The following MEF2B variants were observed in gnomAD, a reference collection of about 807,000 sequenced individuals.
MEF2B encodes the protein myocyte-specific enhancer factor 2B.
A neutral mutation model predicts 32.2 loss-of-function variants in MEF2B; 15 were observed. The ratio of observed to expected loss-of-function variants is 0.47; its 90% CI spans 0.31 to 0.72. MEF2B has a LOEUF of 0.72. MEF2B is among the 30% of genes least tolerant of loss of function. The probability of loss-of-function intolerance (pLI) is 0.05; values close to 1 mark genes in which losing one functional copy is unlikely to be tolerated. For synonymous variants in MEF2B, 205 were observed against 225.6 expected, an observed-to-expected ratio of 0.91 and a Z score of 0.82; for missense variants, 441 against 511.5, an observed-to-expected ratio of 0.86 and a Z score of 1.33.
At chr19:19,162,430 C>T (rs527917831) in intron 1 of MEF2B, among the ~76,000 whole-genome samples, 16 of 152,288 alleles carry the variant, frequency 1.1e-4, no homozygotes, top group South Asian at 1.0e-3. Context: ...ACCACACAGG[C>T]CTGGCTGCCT....
chr19:19,150,562 C>A, intron 2 of MEF2B, 120 bp downstream of exon 2: 4 of 1,082,198 alleles, frequency 3.7e-6, no homozygotes, highest in Non-Finnish European at 5.3e-6. Context: ...GACATGGCAT[C>A]AGGACTCCTC....
At chr19:19,163,966 G>C (rs73535576) in intron 1 of MEF2B, among the ~76,000 whole-genome samples, 1,598 of 152,112 alleles carry the variant, frequency 0.011, 25 homozygotes, top group African/African-American at 0.036. Context: ...ACCACACCCA[G>C]CCCTACTTGT....
chr19:19,147,868 C>T (rs1308321219), intron 3 of MEF2B, 36 bp from the exon 4 acceptor site: 17 of 1,590,846 alleles, frequency 1.1e-5, no homozygotes, highest in Non-Finnish European at 1.5e-5. Context: ...AGACCCTTAC[C>T]CCTACCCCAC....
chr19:19,146,706 C>A (rs202186599), intron 6 of MEF2B, 36 bp downstream of exon 6: 2 of 1,613,750 alleles, frequency 1.2e-6, no homozygotes, highest in African/African-American at 1.3e-5. Context: ...GCCCTGCCTG[C>A]CCTCATCAGC....
At chr19:19,150,124 G>T (rs1284488323) in intron 2 of MEF2B, among the ~76,000 whole-genome samples, 21 of 136,566 alleles carry the variant, frequency 1.5e-4, no homozygotes, top group African/African-American at 5.4e-4. Context: ...TGGAAGGAGG[G>T]ATGGAAGGAA....
Position 19,167,350 on chromosome 19 carries a change from C to CAA in MEF2B, c.-30+2853_-30+2854dup, listed in dbSNP as rs34446494. Among the ~76,000 whole-genome samples the CAA allele has an allele frequency of 2.2e-3, 220 of 98,516 alleles. 1 individual carries two copies. Among genetic ancestry groups the CAA allele is most frequent in the African/African-American group, 6.2e-3 (152 of 24,440 alleles). 64.6% of individuals were successfully genotyped at this position (98,516 alleles called of 152,430 possible). A position where few individuals can be genotyped will look rare whatever the true frequency, so the allele number is the denominator to read the frequency against. Reference sequence around the variant, plus strand: ...TGGGCAACAGAGTGAGACTCTGTCTCAAAAAAAAAAAAAAAAAAAAAATTA... The same window carrying CAA: ...TGGGCAACAGAGTGAGACTCTGTCTCAAAAAAAAAAAAAAAAAAAAAAAATTA... On this transcript the variant is annotated intron_variant, in intron 1 of 8. Coordinates refer to ENST00000424583, the MANE Select transcript of MEF2B (RefSeq NM_001145785.2).
chr19:19,151,748 A>C (rs1465506733), intron 1 of MEF2B, among the ~76,000 whole-genome samples: 1 of 152,086 alleles, frequency 6.6e-6, no homozygotes, highest in Admixed American at 6.6e-5. Context: ...CCCTTTCCCC[A>C]GGCCTCAGTT....
chr19:19,150,575 G>T (rs910127447), intron 2 of MEF2B, 107 bp downstream of exon 2: 52 of 1,375,186 alleles, frequency 3.8e-5, no homozygotes, highest in Admixed American at 5.9e-5. Context: ...GACTCCTCAT[G>T]CCTCCTCATT....
At chr19:19,155,299 T>G (rs1159430060) in intron 1 of MEF2B, among the ~76,000 whole-genome samples, 1 of 152,092 alleles carries the variant, frequency 6.6e-6, no homozygotes, top group East Asian at 1.9e-4. Context: ...CCAAGCCAAC[T>G]CCTATCCAAA....
chr19:19,145,890 G>A lies in MEF2B; in HGVS notation c.1014C>T (p.Pro338=), dbSNP rs2060021038. ...GGPGDFPKTF[P]YPLLLARSLA... ...GGGACCGGGCGAGGAGCAAGGGATA[G>A]GGGAAGGTCTTAGGAAAGTCGCCGG... The change falls in exon 9 of 9, where the codon CCC becomes CCT. Residue 338 remains proline (P), a synonymous_variant. Transcript: ENST00000424583. The surrounding 1 kb of genome is among the most constrained non-coding windows in gnomAD (Gnocchi z 4.6). 2.7e-6 allele frequency: 4 copies of A among 1,464,660 alleles called. No individual in the cohort carries two copies. The highest frequency in any genetic ancestry group is 3.6e-6 in the Non-Finnish European group (4 of 1,106,508). The allele number at this position is 1,464,660 out of a possible 1,614,324, so 90.7% of individuals were successfully genotyped here.
At chr19:19,158,140 T>C (rs2060132376) in intron 1 of MEF2B, among the ~76,000 whole-genome samples, 1 of 150,912 alleles carries the variant, frequency 6.6e-6, no homozygotes, top group African/African-American at 2.4e-5. Flanking sequence ...CAGACTGGAG[T>C]GCAGTGGCAT....
At chr19:19,148,623 C>G (rs944571856) in intron 3 of MEF2B, among the ~76,000 whole-genome samples, 1 of 152,126 alleles carries the variant, frequency 6.6e-6, no homozygotes, top group Non-Finnish European at 1.5e-5. Context: ...AGTCCCAGCC[C>G]GCTGCTCTCT....
intron 1 of MEF2B, among the ~76,000 whole-genome samples, chr19:19,163,002 C>T (rs1180871837): frequency 2.0e-5 from 3 of 152,178 alleles, no homozygotes; most frequent in Non-Finnish European, 4.4e-5. Flanking sequence ...ACACCAGCCC[C>T]AAACTGATTC....
chr19:19,166,462 G>A (rs1377678756), intron 1 of MEF2B, among the ~76,000 whole-genome samples: 3 of 152,052 alleles, frequency 2.0e-5, no homozygotes, highest in Admixed American at 6.6e-5. Flanking sequence ...TTTCTAAGTC[G>A]TCTCAGAAAA....
intron 1 of MEF2B, among the ~76,000 whole-genome samples, chr19:19,161,954 T>C (rs1235527908): frequency 1.3e-5 from 2 of 151,638 alleles, no homozygotes; most frequent in South Asian, 2.1e-4. Flanking sequence ...ATTACAGCCA[T>C]GCGCTACCAC....
rs1051958286 is a variant in MEF2B at position 19,146,359 on chromosome 19, C to A, written c.795G>T (p.Pro265=). The change falls in exon 8 of 9, where the codon CCG becomes CCT. Residue 265 remains proline, a synonymous_variant. Coordinates refer to ENST00000424583, the MANE Select transcript of MEF2B (RefSeq NM_001145785.2). ...PPEYGLGDPP[P]PPGLLQPPTL... Reference sequence around the variant, plus strand: ...TGGGGGGCTGCAACAAGCCAGGGGGCGGTGGAGGGTCTCCCAGGCCATATT... The same window carrying A: ...TGGGGGGCTGCAACAAGCCAGGGGGAGGTGGAGGGTCTCCCAGGCCATATT... The A allele has an allele frequency of 9.8e-7, 1 of 1,017,230 alleles. No homozygotes were observed. The highest frequency in any genetic ancestry group is 2.1e-5 in the South Asian group (1 of 48,398). The allele number at this position is 1,017,230 out of a possible 1,614,324, so 63.0% of individuals were successfully genotyped here.
intron 1 of MEF2B, among the ~76,000 whole-genome samples, chr19:19,155,676 C>T (rs753481306): frequency 5.9e-5 from 9 of 152,198 alleles, no homozygotes; most frequent in Admixed American, 4.6e-4. Context: ...GCAAAGAATG[C>T]GGAGGCGGCA....
At chr19:19,157,590 G>A (rs528350818) in intron 1 of MEF2B, among the ~76,000 whole-genome samples, 1 of 152,372 alleles carries the variant, frequency 6.6e-6, no homozygotes, top group South Asian at 2.1e-4. Context: ...GCTCAAGCCT[G>A]TAATCCCAGC....
chr19:19,145,742 A>C lies in MEF2B; in HGVS notation c.*55T>G. On this transcript the variant is annotated 3_prime_UTR_variant, in exon 9 of 9. Coordinates refer to ENST00000424583, the MANE Select transcript of MEF2B (RefSeq NM_001145785.2). This position sits in a 1 kb window ranked among gnomAD's most constrained non-coding sequence, Gnocchi z 4.6. ...AGGCCTGGAGGGAGGTGGGGTCCCC[A>C]CGTGCCCTCGCCGTACCTGGCGAGC... is the stretch of plus-strand genomic sequence containing the variant. 6.4e-7 allele frequency: 1 copy of C among 1,558,340 alleles called. No homozygotes were observed. The highest frequency in any genetic ancestry group is 1.2e-5 in the South Asian group (1 of 84,608).
Sources: gnomAD v4.1 joint callset for allele counts (sites outside exome capture counted in the v4.1 genomes callset) on GRCh38, gnomAD v4.1.1 for gene constraint, Gnocchi (gnomAD v3.1) non-coding constraint, MANE v1.5 for transcripts, NCBI Gene and HGNC (gene_info 2026-07-23, HGNC 2026-07-21) for gene names.